ERBB4: variants seen among roughly 807,000 people sequenced by gnomAD.
The protein encoded by ERBB4 is receptor tyrosine-protein kinase erbB-4.
Under a neutral mutation model 158.0 loss-of-function variants are expected in ERBB4, and 42 were observed. That is an observed-to-expected ratio of 0.27 (90% CI 0.21 to 0.34). The LOEUF (loss-of-function observed/expected upper bound fraction) is 0.34. Ranked by LOEUF, ERBB4 falls within the 10% of genes least tolerant of loss-of-function variation. The pLI is 1.00. For synonymous variants in ERBB4, 583 were observed against 558.7 expected, an observed-to-expected ratio of 1.04 and a Z score of -0.61; for missense variants, 1,333 against 1,624.1, an observed-to-expected ratio of 0.82 and a Z score of 3.08.
intron 2 of ERBB4, among the ~76,000 whole-genome samples, chr2:212,038,616 A>G (rs2077069376): frequency 6.6e-6 from 1 of 152,160 alleles, no homozygotes; most frequent in Non-Finnish European, 1.5e-5. Flanking sequence ...CTCCATAAGG[A>G]AAAGAAAAAT....
intron 3 of ERBB4, among the ~76,000 whole-genome samples, chr2:211,898,216 G>A (rs1192827988): frequency 6.6e-6 from 1 of 152,012 alleles, no homozygotes; most frequent in Non-Finnish European, 1.5e-5. Flanking sequence ...TATTTTAAAT[G>A]TGATACTGCC....
At chr2:212,363,650 T>TAA (rs147634638) in intron 1 of ERBB4, among the ~76,000 whole-genome samples, 51 of 148,230 alleles carry the variant, frequency 3.4e-4, no homozygotes, top group African/African-American at 1.2e-3. Flanking sequence ...TTGCTTTCAT[T>TAA]AAAAAAAAAA....
chr2:211,934,965 G>A (rs1036598060), intron 3 of ERBB4, among the ~76,000 whole-genome samples: 8 of 106,950 alleles, frequency 7.5e-5, no homozygotes, highest in African/African-American at 2.5e-4. Context: ...GTGACACCTG[G>A]ACCACATGAA....
chr2:211,377,983 C>T lies in ERBB4; in HGVS notation c.*5632G>A, dbSNP rs748132220. On this transcript the variant is annotated 3_prime_UTR_variant, in exon 28 of 28. Transcript: ENST00000342788. The stretch of plus-strand genomic sequence containing the variant: ...ATCTCTTATGAAAAAATCAGGCATT[C>T]GAGGGCAAAGATGAAGTCAGTGTTT... 12 of 232,794 alleles carry T rather than the reference C, an allele frequency of 5.2e-5. No individual in the cohort carries two copies. In the South Asian group the frequency reaches 5.4e-4, roughly 11 times the overall value. 14.4% of individuals were successfully genotyped at this position (232,794 alleles called of 1,614,324 possible). A position where few individuals can be genotyped will look rare whatever the true frequency, so the allele number is the denominator to read the frequency against.
At chr2:212,100,174 T>C (rs574352843) in intron 2 of ERBB4, among the ~76,000 whole-genome samples, 14 of 152,352 alleles carry the variant, frequency 9.2e-5, no homozygotes, top group African/African-American at 3.4e-4. Flanking sequence ...ACTGACAGCA[T>C]GGCTGTTTTC....
chr2:211,873,589 C>A (rs1364007978), intron 3 of ERBB4, among the ~76,000 whole-genome samples: 1 of 152,134 alleles, frequency 6.6e-6, no homozygotes, highest in Admixed American at 6.5e-5. Context: ...TGTTCTCCAA[C>A]TGGCAATTTT....
intron 1 of ERBB4, among the ~76,000 whole-genome samples, chr2:212,268,121 C>T (rs944309985): frequency 2.6e-5 from 4 of 151,828 alleles, no homozygotes; most frequent in Non-Finnish European, 5.9e-5. Flanking sequence ...AATGTTATCT[C>T]ACAAAAGCTG....
intron 3 of ERBB4, among the ~76,000 whole-genome samples, chr2:211,835,218 T>G (rs1490166178): frequency 6.6e-6 from 1 of 152,124 alleles, no homozygotes; most frequent in Non-Finnish European, 1.5e-5. Flanking sequence ...CTTCAGCTCT[T>G]CAAAAGTTAC....
Position 211,478,021 on chromosome 2 carries a change from C to T in ERBB4, c.2488-46921G>A, listed in dbSNP as rs373830127. ...TCCTTGAACAGTCCAAGCTACAACA[C>T]CACTTGGCTCATGAATTCTTGGCAT... On this transcript the variant is annotated intron_variant, in intron 20 of 27. Coordinates refer to ENST00000342788, the MANE Select transcript of ERBB4 (RefSeq NM_005235.3). Among the ~76,000 whole-genome samples, 56 of 152,246 alleles carry T rather than the reference C, an allele frequency of 3.7e-4. No homozygotes were observed. In the South Asian group the frequency reaches 0.01, roughly 28 times the overall value.
chr2:211,553,014 AC>A (rs1417370041), intron 20 of ERBB4, among the ~76,000 whole-genome samples: 1 of 151,142 alleles, frequency 6.6e-6, no homozygotes, highest in Non-Finnish European at 1.5e-5. Flanking sequence ...TGTCACCCAG[AC>A]TGGAGTGCAG....
chr2:212,030,205 C>T (rs2076869526), intron 2 of ERBB4, among the ~76,000 whole-genome samples: 1 of 152,098 alleles, frequency 6.6e-6, no homozygotes, highest in Admixed American at 6.6e-5. Flanking sequence ...TCACTTAATC[C>T]TTTCAGTTCT....
At chr2:212,372,653 G>T (rs1005128688) in intron 1 of ERBB4, among the ~76,000 whole-genome samples, 2 of 152,154 alleles carry the variant, frequency 1.3e-5, no homozygotes, top group Non-Finnish European at 2.9e-5. Flanking sequence ...GGAGGCTGAG[G>T]CAGGAGAATC....
intron 2 of ERBB4, among the ~76,000 whole-genome samples, chr2:212,117,734 A>C (rs2079613411): frequency 6.6e-6 from 1 of 151,588 alleles, no homozygotes; most frequent in Non-Finnish European, 1.5e-5. Flanking sequence ...ATGTGGACCC[A>C]CTTTGTTATG....
chr2:211,845,154 A>G (rs188186863), intron 3 of ERBB4, among the ~76,000 whole-genome samples: 2 of 152,228 alleles, frequency 1.3e-5, no homozygotes, highest in East Asian at 3.9e-4. Flanking sequence ...AAGCTCCTGC[A>G]GCATGCCAGC....
intron 25 of ERBB4, among the ~76,000 whole-genome samples, chr2:211,418,577 T>C (rs1249863910): frequency 3.3e-5 from 5 of 152,080 alleles, no homozygotes; most frequent in Admixed American, 3.3e-4. Context: ...TATTAAGAAT[T>C]TCTTGCACTG....
At chr2:212,302,338 T>C (rs1041888610) in intron 1 of ERBB4, among the ~76,000 whole-genome samples, 4 of 151,450 alleles carry the variant, frequency 2.6e-5, no homozygotes, top group Non-Finnish European at 4.4e-5. Flanking sequence ...AAATGTTTAA[T>C]AATTGCTTGA....
chr2:211,623,861 T>G, intron 18 of ERBB4, 61 bp downstream of exon 18: 1 of 1,523,694 alleles, frequency 6.6e-7, no homozygotes, highest in Non-Finnish European at 9.1e-7. Flanking sequence ...CTCCATTGGC[T>G]ATTATTTTCT....
intron 12 of ERBB4, 116 bp downstream of exon 12, chr2:211,701,851 G>A (rs2073266039): frequency 1.3e-6 from 1 of 745,548 alleles, no homozygotes; most frequent in Non-Finnish European, 2.4e-6. Flanking sequence ...CCTTTTTAAG[G>A]GTTGGGATAA....
chr2:212,501,663 A>T (rs928567716), intron 1 of ERBB4, among the ~76,000 whole-genome samples: 14 of 152,178 alleles, frequency 9.2e-5, no homozygotes, highest in Admixed American at 1.3e-4. Context: ...TAAGCATAGA[A>T]TAATCACTCT....
Sources: gnomAD v4.1 joint callset for allele counts (sites outside exome capture counted in the v4.1 genomes callset) on GRCh38, gnomAD v4.1.1 for gene constraint, MANE v1.5 for transcripts, NCBI Gene and HGNC (gene_info 2026-07-23, HGNC 2026-07-21) for gene names.